The following UGT1A9 variants were observed in gnomAD, a reference collection of about 807,000 sequenced individuals.
UGT1A9 encodes the protein UDP glucuronosyltransferase family 1 member A9.
Under a neutral mutation model 45.0 loss-of-function variants are expected in UGT1A9, and 35 were observed. That is an observed-to-expected ratio of 0.78 (90% CI 0.59 to 1.03). UGT1A9 has a LOEUF of 1.03. Ranked by LOEUF, UGT1A9 falls within the 50% of genes least tolerant of loss-of-function variation. The pLI is 0.00. For synonymous variants in UGT1A9, 278 were observed against 250.6 expected (o/e 1.11, Z -1.03); for missense variants, 687 against 666.6 (o/e 1.03, Z -0.34).
intron 1 of UGT1A9, among the ~76,000 whole-genome samples, chr2:233,702,348 A>T (rs2075682306): frequency 6.6e-6 from 1 of 152,082 alleles, no homozygotes; most frequent in Non-Finnish European, 1.5e-5. Flanking sequence ...TTGTTCTAAT[A>T]GTTTTTTTTT....
intron 1 of UGT1A9, among the ~76,000 whole-genome samples, chr2:233,715,831 T>C (rs1175914174): frequency 1.3e-5 from 2 of 152,160 alleles, no homozygotes; most frequent in African/African-American, 4.8e-5. Context: ...AAAACATTTT[T>C]TTAAAACTCC....
At chr2:233,750,904 G>C (rs1235200101) in intron 1 of UGT1A9, among the ~76,000 whole-genome samples, 1 of 151,906 alleles carries the variant, frequency 6.6e-6, no homozygotes, top group Non-Finnish European at 1.5e-5. Context: ...ACCTCTGCTA[G>C]AGAAGGGTGG....
chr2:233,707,013 C>A (rs1559354964), intron 1 of UGT1A9, among the ~76,000 whole-genome samples: 1 of 152,150 alleles, frequency 6.6e-6, no homozygotes, highest in Non-Finnish European at 1.5e-5. Flanking sequence ...ACCTAGGATC[C>A]ATGGTCAGCC....
rs761516231 is a variant in UGT1A9, at chr2:233,693,158, C to T, written c.855+20369C>T. 27 of 1,614,000 alleles carry T rather than the reference C, an allele frequency of 1.7e-5. No individual in the cohort carries two copies. Among genetic ancestry groups the T allele is most frequent in the East Asian group, 1.1e-4 (5 of 44,886 alleles). ...GGATATAGTTGAGGTTCTCAGTGAC[C>T]GGGGTCATGAGATTGTAGTGGTGGT... is the stretch of plus-strand genomic sequence containing the variant. On this transcript the variant is annotated intron_variant, in intron 1 of 4. Coordinates refer to ENST00000354728, the MANE Select transcript of UGT1A9 (RefSeq NM_021027.3).
chr2:233,728,050 G>T (rs2077677324), intron 1 of UGT1A9, among the ~76,000 whole-genome samples: 1 of 152,214 alleles, frequency 6.6e-6, no homozygotes, highest in Non-Finnish European at 1.5e-5. Context: ...GCCTCATTGG[G>T]CTTGAGGCCC....
At chr2:233,729,314 C>T (rs771299324) in intron 1 of UGT1A9, 4 of 1,614,130 alleles carry the variant, frequency 2.5e-6, no homozygotes, top group East Asian at 4.5e-5. Flanking sequence ...GTCCTCACCC[C>T]AGAGGTGAAT....
At chr2:233,701,218 C>A (rs1237228393) in intron 1 of UGT1A9, among the ~76,000 whole-genome samples, 1 of 152,080 alleles carries the variant, frequency 6.6e-6, no homozygotes, top group Non-Finnish European at 1.5e-5. Flanking sequence ...TATTTATAAT[C>A]CTTTGGGTAT....
intron 1 of UGT1A9, among the ~76,000 whole-genome samples, chr2:233,695,107 C>T (rs941691893): frequency 3.3e-5 from 5 of 150,048 alleles, no homozygotes; most frequent in African/African-American, 1.2e-4. Flanking sequence ...GTTTTTGTGC[C>T]CATTAACCAA....
At chr2:233,690,379 A>G (rs1457106396) in intron 1 of UGT1A9, 1 of 968,960 alleles carries the variant, frequency 1.0e-6, no homozygotes, top group African/African-American at 1.7e-5. Flanking sequence ...CATAGGGTCC[A>G]CGTTTCCAGA....
Position 233,713,865 on chromosome 2 carries a change from A to G in UGT1A9, c.855+41076A>G, listed in dbSNP as rs752542051. On this transcript the variant is annotated intron_variant, in intron 1 of 4. Coordinates refer to ENST00000354728, the MANE Select transcript of UGT1A9 (RefSeq NM_021027.3). ...CGGGAAGCCACTATCTCAGGTCTGT[A>G]TTGGTGCCTTTATCCAATCAATGTT... 5.8e-5 allele frequency: 93 copies of G among 1,613,866 alleles called. No individual in the cohort carries two copies. In the African/African-American group the frequency reaches 1.1e-3, roughly 20 times the overall value.
rs562671697 is a variant in UGT1A9, at chr2:233,715,584, C to A, written c.855+42795C>A. On this transcript the variant is annotated intron_variant, in intron 1 of 4. Transcript: ENST00000354728. The stretch of plus-strand genomic sequence containing the variant: ...CCCAGGAGTCTGAGAGCAGCCTGGG[C>A]AACATGCTGAGACTCCATCTCTACA... 7.4e-4 allele frequency among the ~76,000 whole-genome samples: 112 copies of A among 152,108 alleles called. 1 individual carries two copies. Among genetic ancestry groups the A allele is most frequent in the African/African-American group, 2.5e-3 (104 of 41,484 alleles).
chr2:233,760,884 T>A, intron 1 of UGT1A9: 1 of 1,614,196 alleles, frequency 6.2e-7, no homozygotes, highest in African/African-American at 1.3e-5. Context: ...CTCTCTCCTC[T>A]CATTCAGATC....
Position 233,760,881 on chromosome 2 carries a change from C to T in UGT1A9, c.856-6153C>T, listed in dbSNP as rs199675631. ...TCTCCTACGTGCCCAGGCCTCTCTC[C>T]TCTCATTCAGATCACATGACCTTCC... On this transcript the variant is annotated intron_variant, in intron 1 of 4. Transcript: ENST00000354728. The T allele has an allele frequency of 3.1e-6, 5 of 1,614,198 alleles. No homozygotes were observed. The South Asian group carries it at 4.4e-5, about 14-fold the overall frequency.
At chr2:233,730,184 G>T (rs1575587766) in intron 1 of UGT1A9, among the ~76,000 whole-genome samples, 1 of 152,132 alleles carries the variant, frequency 6.6e-6, no homozygotes, top group South Asian at 2.1e-4. Context: ...GTTTTAAATG[G>T]TCACTGAGAG....
chr2:233,693,146 G>A lies in UGT1A9; in HGVS notation c.855+20357G>A, dbSNP rs2075134589. On this transcript the variant is annotated intron_variant, in intron 1 of 4. Transcript: ENST00000354728. ...GCTTAGTATGAAGGATATAGTTGAG[G>A]TTCTCAGTGACCGGGGTCATGAGAT... is the stretch of plus-strand genomic sequence containing the variant. 5 of 1,614,204 alleles carry A rather than the reference G, an allele frequency of 3.1e-6. No homozygotes were observed. The highest frequency in any genetic ancestry group is 1.3e-5 in the African/African-American group (1 of 75,052).
rs558770255 is a variant in UGT1A9, at chr2:233,763,535, G to A, written c.856-3499G>A. Among the ~76,000 whole-genome samples the A allele has an allele frequency of 7.2e-5, 11 of 152,022 alleles. No homozygotes were observed. The East Asian group carries it at 9.7e-4, about 13-fold the overall frequency. ...TTGACTTTGCCATTCTCCTTTTTCC[G>A]GATTTCTACTGGTTGGTCAAGTTAC... On this transcript the variant is annotated intron_variant, in intron 1 of 4. Coordinates refer to ENST00000354728, the MANE Select transcript of UGT1A9 (RefSeq NM_021027.3).
In UGT1A9 at chr2:233,672,047, G is replaced by A. The variant is rs767288021; in HGVS notation, c.113G>A (p.Trp38Ter). ...LLVVPMDGSHWFTMRSVVEKL... is the reference protein window; with the variant it reads ...LLVVPMDGSH ...GTAGTGCCCATGGATGGGAGCCACT[G>A]GTTCACCATGAGGTCGGTGGTGGAG... is the stretch of plus-strand genomic sequence containing the variant. Residue 38 changes from tryptophan (W) to a stop codon, truncating the protein, a stop_gained, in exon 1 of 5, where the codon TGG becomes TAG. Coordinates refer to ENST00000354728, the MANE Select transcript of UGT1A9 (RefSeq NM_021027.3). LOFTEE classifies it high-confidence loss of function. 1 of 1,614,152 alleles carries A rather than the reference G, an allele frequency of 6.2e-7. No homozygotes were observed. The highest frequency in any genetic ancestry group is 1.3e-5 in the African/African-American group (1 of 75,048).
intron 1 of UGT1A9, chr2:233,747,599 G>A: frequency 6.3e-7 from 1 of 1,574,950 alleles, no homozygotes; most frequent in Non-Finnish European, 8.7e-7. Flanking sequence ...GGTCTTGTGT[G>A]GAGCTACTGC....
chr2:233,724,339 G>A (rs2077227774), intron 1 of UGT1A9, among the ~76,000 whole-genome samples: 2 of 142,766 alleles, frequency 1.4e-5, no homozygotes, highest in African/African-American at 5.3e-5. Flanking sequence ...GCGGGGGGCT[G>A]ACCCCCCCCA....
Sources: gnomAD v4.1 joint callset for allele counts (sites outside exome capture counted in the v4.1 genomes callset) on GRCh38, gnomAD v4.1.1 for gene constraint, MANE v1.5 for transcripts, NCBI Gene and HGNC (gene_info 2026-07-23, HGNC 2026-07-21) for gene names.